The following CCDC66 variants were observed in gnomAD, a reference collection of about 807,000 sequenced individuals.
CCDC66 encodes the protein coiled-coil domain-containing protein 66.
Under a neutral mutation model 128.3 loss-of-function variants are expected in CCDC66, and 133 were observed. That is an observed-to-expected ratio of 1.04 (90% CI 0.90 to 1.20). The LOEUF (loss-of-function observed/expected upper bound fraction) is 1.20, where lower values mean the gene tolerates loss of function less well. Ranked by LOEUF, CCDC66 falls within the 50% of genes most tolerant of loss-of-function variation. CCDC66 has a pLI of 0.00. For synonymous variants in CCDC66, 387 were observed against 357.0 expected, an observed-to-expected ratio of 1.08 and a Z score of -0.95; for missense variants, 1,126 against 1,075.5, an observed-to-expected ratio of 1.05 and a Z score of -0.66.
intron 9 of CCDC66, 34 bp downstream of exon 9, chr3:56,593,775 A>G: frequency 6.2e-7 from 1 of 1,601,618 alleles, no homozygotes; most frequent in Non-Finnish European, 8.5e-7. Flanking sequence ...TTGACTTTTC[A>G]GAAAGTCTGT....
At chr3:56,603,281 C>A (rs947982319) in intron 10 of CCDC66, among the ~76,000 whole-genome samples, 6 of 151,996 alleles carry the variant, frequency 3.9e-5, no homozygotes, top group African/African-American at 1.5e-4. Context: ...GTGTCTGTAT[C>A]TCCTACAGTT....
At chr3:56,615,494 C>A in intron 12 of CCDC66, 1 of 451,164 alleles carries the variant, frequency 2.2e-6, no homozygotes, top group Non-Finnish European at 3.9e-6. Context: ...CCACCTTGGC[C>A]TCCCAAAGTG....
At chr3:56,572,423 T>G (rs1577348685) in intron 7 of CCDC66, 9 of 1,285,210 alleles carry the variant, frequency 7.0e-6, no homozygotes, top group Non-Finnish European at 9.1e-6. Context: ...TAGTCAGACT[T>G]TAGAGGTAAG....
intron 7 of CCDC66, among the ~76,000 whole-genome samples, chr3:56,591,620 CTA>C (rs1322851876): frequency 1.3e-5 from 2 of 152,194 alleles, no homozygotes; most frequent in Non-Finnish European, 2.9e-5. Flanking sequence ...ATTTTGACCT[CTA>C]AAACATTTCT....
At chr3:56,578,506 TC>T (rs2067771935) in intron 7 of CCDC66, among the ~76,000 whole-genome samples, 1 of 151,844 alleles carries the variant, frequency 6.6e-6, no homozygotes, top group African/African-American at 2.4e-5. Context: ...AGGGAACGCT[TC>T]CAGTTTTCGT....
chr3:56,562,145 A>T (rs1162439504), intron 3 of CCDC66, among the ~76,000 whole-genome samples: 1 of 151,072 alleles, frequency 6.6e-6, no homozygotes, highest in Non-Finnish European at 1.5e-5. Context: ...GGCTCAAGGG[A>T]TCCTCCTGCC....
At chr3:56,619,716 C>A in intron 16 of CCDC66, 61 bp from the exon 17 acceptor site, 3 of 1,590,334 alleles carry the variant, frequency 1.9e-6, no homozygotes, top group Non-Finnish European at 2.6e-6. Context: ...TATTATATAG[C>A]ACAGGGCTAT....
chr3:56,619,256 T>A lies in CCDC66; in HGVS notation c.2379-15T>A, dbSNP rs767729707. On this transcript the variant is annotated splice_polypyrimidine_tract_variant and intron_variant, in intron 15 of 17. Transcript: ENST00000394672. ...ATCTAAATACACAATTTTTTACTATTTTTTTTTTAAATAGGTCTCCATCAT... is the reference window on the plus strand; with the variant it reads ...ATCTAAATACACAATTTTTTACTATATTTTTTTTAAATAGGTCTCCATCAT... 6 of 1,538,748 alleles carry A rather than the reference T, an allele frequency of 3.9e-6. No homozygotes were observed. In the East Asian group the frequency reaches 1.4e-4, roughly 35 times the overall value.
chr3:56,571,887 T>TA (rs1392836765), intron 7 of CCDC66, among the ~76,000 whole-genome samples: 1 of 151,594 alleles, frequency 6.6e-6, no homozygotes, highest in African/African-American at 2.4e-5. Context: ...CCCAGCTAAT[T>TA]AAAAAAAATT....
At chr3:56,572,275 G>A in intron 7 of CCDC66, 1 of 939,820 alleles carries the variant, frequency 1.1e-6, no homozygotes, top group African/African-American at 1.7e-5. Context: ...TTTTATCTGT[G>A]GTTAATTTTG....
At chr3:56,613,080 C>T (rs993808469) in intron 10 of CCDC66, among the ~76,000 whole-genome samples, 1 of 152,122 alleles carries the variant, frequency 6.6e-6, no homozygotes, top group Non-Finnish European at 1.5e-5. Context: ...GCTGTTGGGC[C>T]CCAGAGCAAG....
At chr3:56,563,110 C>T (rs1285029835) in intron 3 of CCDC66, among the ~76,000 whole-genome samples, 3 of 151,740 alleles carry the variant, frequency 2.0e-5, no homozygotes, top group African/African-American at 7.3e-5. Flanking sequence ...CCTGTAATCC[C>T]AGCTCTTTGG....
chr3:56,617,013 G>A (rs2075607496), intron 13 of CCDC66, 99 bp from the exon 14 acceptor site: 21 of 976,356 alleles, frequency 2.2e-5, no homozygotes, highest in Non-Finnish European at 3.1e-5. Context: ...AAAGAAAAAA[G>A]TCTTAGAGGG....
At chr3:56,600,822 T>C (rs1463551620) in intron 10 of CCDC66, among the ~76,000 whole-genome samples, 1 of 152,118 alleles carries the variant, frequency 6.6e-6, no homozygotes, top group Non-Finnish European at 1.5e-5. Context: ...TACTTTTTGA[T>C]GGGGTTGTTT....
intron 7 of CCDC66, among the ~76,000 whole-genome samples, chr3:56,592,341 T>C (rs1005451364): frequency 6.6e-6 from 1 of 152,188 alleles, no homozygotes; most frequent in Non-Finnish European, 1.5e-5. Context: ...TCTTTCAGCC[T>C]CTAAAAGAGA....
At position 56,559,550 on chromosome 3, in the gene CCDC66, TTTC is replaced by T; in HGVS notation, c.77-16_77-14del. On this transcript the variant is annotated splice_polypyrimidine_tract_variant and intron_variant, in intron 2 of 17. Coordinates refer to ENST00000394672, the MANE Select transcript of CCDC66 (RefSeq NM_001141947.3). Reference sequence around the variant, plus strand: ...ATGCTTTTGGTGGATAGTTTAGTAATTTCTTTTTTCTTTTGTAGAACATAAATC... The same window carrying T: ...ATGCTTTTGGTGGATAGTTTAGTAATTTTTTTCTTTTGTAGAACATAAATC... 1 of 1,507,930 alleles carries T rather than the reference TTTC, an allele frequency of 6.6e-7. No individual in the cohort carries two copies. The allele number at this position is 1,507,930 out of a possible 1,614,324, so 93.4% of individuals were successfully genotyped here.
chr3:56,598,150 TTTTGTTTGTTTGTTTG>T (rs149176783), intron 10 of CCDC66, among the ~76,000 whole-genome samples: 1 of 109,114 alleles, frequency 9.2e-6, no homozygotes, highest in Non-Finnish European at 2.4e-5. Context: ...TTTTGTTTTG[TTTTGTTTGTTTGTTTG>T]TTTGTTTGTT....
At chr3:56,594,555 G>A (rs747266389) in intron 10 of CCDC66, among the ~76,000 whole-genome samples, 9 of 151,824 alleles carry the variant, frequency 5.9e-5, no homozygotes, top group African/African-American at 2.4e-5. Flanking sequence ...GGTGGCAGGC[G>A]CCTGTAGTCC....
chr3:56,616,881 T>G (rs2075586848), intron 13 of CCDC66: 1 of 403,872 alleles, frequency 2.5e-6, no homozygotes, highest in African/African-American at 2.1e-5. Context: ...CTGATGATGT[T>G]GAGCATCTTT....
Sources: allele counts gnomAD v4.1 joint callset (sites outside exome capture counted in the v4.1 genomes callset), GRCh38; gene constraint gnomAD v4.1.1; transcripts MANE v1.5; gene names NCBI Gene and HGNC (gene_info 2026-07-23, HGNC 2026-07-21).